GGTA1: variants seen among roughly 807,000 people sequenced by gnomAD.
The protein encoded by GGTA1 is glycoprotein alpha-galactosyltransferase 1 (inactive).
GGTA1 carries 5 observed loss-of-function variants against 2.6 expected under a neutral mutation model. The ratio of observed to expected loss-of-function variants is 1.92; its 90% CI spans 1.00 to 4.04. GGTA1 has a LOEUF of 4.04. GGTA1 is among the 30% of genes most tolerant of loss of function. The pLI is 0.00. For synonymous variants in GGTA1, 17 were observed against 5.0 expected, an observed-to-expected ratio of 3.38 and a Z score of -3.19; for missense variants, 50 against 16.7, an observed-to-expected ratio of 2.99 and a Z score of -3.47.
intron 1 of GGTA1, among the ~76,000 whole-genome samples, chr9:121,478,886 T>C (rs1828573754): frequency 6.6e-6 from 1 of 152,050 alleles, no homozygotes; most frequent in Admixed American, 6.6e-5. Flanking sequence ...GTAAGATAAA[T>C]GAAAGATGCT....
exon 8 of GGTA1, chr9:121,445,052 G>A (rs1309106547): frequency 1.3e-5 from 2 of 152,040 alleles, no homozygotes; most frequent in African/African-American, 2.4e-5. Context: ...TAGTAATAAC[G>A]ATTAACAAGA....
intron 4 of GGTA1, among the ~76,000 whole-genome samples, chr9:121,460,660 C>T (rs1053845795): frequency 3.3e-5 from 5 of 152,206 alleles, no homozygotes; most frequent in South Asian, 2.1e-4. Context: ...GCCTGGCCAA[C>T]GTGGTGAAAC....
chr9:121,492,251 GT>G (rs962194005), intron 1 of GGTA1, among the ~76,000 whole-genome samples: 6 of 151,640 alleles, frequency 4.0e-5, no homozygotes, highest in East Asian at 3.9e-4. Flanking sequence ...TGTGTTTAGA[GT>G]TTTTTTTTCC....
chr9:121,494,135 C>A (rs546088435), intron 1 of GGTA1, among the ~76,000 whole-genome samples: 3 of 152,270 alleles, frequency 2.0e-5, no homozygotes, highest in African/African-American at 7.2e-5. Flanking sequence ...CTTTTCCCTG[C>A]CATTCATATC....
rs868434472 is a variant in GGTA1, at chr9:121,488,156, T to C, written c.-10+11494A>G. Among the ~76,000 whole-genome samples, 141 of 152,144 alleles carry C rather than the reference T, an allele frequency of 9.3e-4. 1 individual carries two copies. The highest frequency in any genetic ancestry group is 3.2e-3 in the African/African-American group (132 of 41,506). On this transcript the variant is annotated intron_variant, in intron 1 of 5. Coordinates refer to ENST00000481799, the MANE Select transcript of GGTA1 (RefSeq NM_001382585.1). ...GTGTGTGTGTGTTTAAAGTTTTCTT[T>C]TAGAGGCAGGGTCTCACTGCATTGC...
At chr9:121,481,247 C>T (rs1226325933) in intron 1 of GGTA1, among the ~76,000 whole-genome samples, 4 of 151,990 alleles carry the variant, frequency 2.6e-5, no homozygotes, top group African/African-American at 9.7e-5. Context: ...TCACCTAGTC[C>T]CACAATGGGA....
chr9:121,493,162 C>CAGG (rs770711983), intron 1 of GGTA1, among the ~76,000 whole-genome samples: 9 of 151,852 alleles, frequency 5.9e-5, no homozygotes, highest in Admixed American at 4.6e-4. Flanking sequence ...GAACTGATTG[C>CAGG]AGGACAGGAT....
intron 2 of GGTA1, among the ~76,000 whole-genome samples, chr9:121,467,328 A>C (rs2065012285): frequency 6.6e-6 from 1 of 151,926 alleles, no homozygotes; most frequent in South Asian, 2.1e-4. Flanking sequence ...ACACACACAC[A>C]CACCCACACA....
intron 1 of GGTA1, among the ~76,000 whole-genome samples, chr9:121,478,725 C>A (rs980298965): frequency 6.6e-6 from 1 of 152,196 alleles, no homozygotes; most frequent in Non-Finnish European, 1.5e-5. Flanking sequence ...GTCGCTCCAG[C>A]CATCTCAAAT....
chr9:121,445,857 C>A (rs2064849920), exon 8 of GGTA1: 1 of 152,096 alleles, frequency 6.6e-6, no homozygotes, highest in African/African-American at 2.4e-5. Flanking sequence ...GCTGAGGAAC[C>A]CTGAGGTTTA....
intron 1 of GGTA1, among the ~76,000 whole-genome samples, chr9:121,478,642 T>C (rs1828567505): frequency 6.6e-6 from 1 of 152,144 alleles, no homozygotes; most frequent in South Asian, 2.1e-4. Flanking sequence ...AGTTTTGTTT[T>C]TCATTATAAG....
intron 1 of GGTA1, among the ~76,000 whole-genome samples, chr9:121,498,373 C>T (rs755876617): frequency 6.6e-6 from 1 of 152,184 alleles, no homozygotes. Flanking sequence ...GCAAAATTCA[C>T]CCAGATGTAA....
At chr9:121,491,846 G>A (rs1438362410) in intron 1 of GGTA1, among the ~76,000 whole-genome samples, 3 of 152,126 alleles carry the variant, frequency 2.0e-5, no homozygotes, top group African/African-American at 7.2e-5. Flanking sequence ...CTGACCTCAA[G>A]TGATCTGCGT....
At chr9:121,463,698 GTTTTGT>G (rs898271430) in intron 2 of GGTA1, among the ~76,000 whole-genome samples, 1 of 152,064 alleles carries the variant, frequency 6.6e-6, no homozygotes, top group Non-Finnish European at 1.5e-5. Context: ...CTCAAATTCT[GTTTTGT>G]TTTTGTTTGT....
At chr9:121,464,033 T>C (rs2064983390) in intron 2 of GGTA1, among the ~76,000 whole-genome samples, 1 of 152,216 alleles carries the variant, frequency 6.6e-6, no homozygotes, top group Admixed American at 6.5e-5. Context: ...AGGCCATGGA[T>C]TTATAGATTC....
chr9:121,498,595 G>T (rs1829038605), intron 1 of GGTA1, among the ~76,000 whole-genome samples: 2 of 152,218 alleles, frequency 1.3e-5, no homozygotes, highest in Admixed American at 1.3e-4. Context: ...TTCCTTACTG[G>T]CAGCAAGCGG....
At chr9:121,494,336 C>T (rs1828942973) in intron 1 of GGTA1, among the ~76,000 whole-genome samples, 1 of 152,228 alleles carries the variant, frequency 6.6e-6, no homozygotes, top group South Asian at 2.1e-4. Flanking sequence ...GGCATAATGG[C>T]TGCTAAAGCC....
At chr9:121,496,516 G>A (rs1828995444) in intron 1 of GGTA1, among the ~76,000 whole-genome samples, 1 of 151,722 alleles carries the variant, frequency 6.6e-6, no homozygotes, top group African/African-American at 2.4e-5. Context: ...AGATCACAAG[G>A]TCAGGAGTTT....
chr9:121,477,966 C>A (rs1373360509), intron 1 of GGTA1, among the ~76,000 whole-genome samples: 1 of 151,140 alleles, frequency 6.6e-6, no homozygotes, highest in Non-Finnish European at 1.5e-5. Flanking sequence ...CCAGGCCAGG[C>A]CAGACCCTGG....
Sources: allele counts gnomAD v4.1 joint callset (sites outside exome capture counted in the v4.1 genomes callset), GRCh38; gene constraint gnomAD v4.1.1; transcripts MANE v1.5; gene names NCBI Gene and HGNC (gene_info 2026-07-23, HGNC 2026-07-21).